OR56A4: variants seen among roughly 807,000 people sequenced by gnomAD.
OR56A4 encodes olfactory receptor family 56 subfamily A member 4.
Under a neutral mutation model 13.6 loss-of-function variants are expected in OR56A4, and 9 were observed. That is an observed-to-expected ratio of 0.66 (90% confidence interval 0.40 to 1.15). The LOEUF (loss-of-function observed/expected upper bound fraction) is 1.15. Among genes scored for constraint, OR56A4 ranks in the 50% most tolerant of loss-of-function variants. OR56A4 has a pLI of 0.01. For missense variants in OR56A4, 380 were observed against 375.9 expected, an observed-to-expected ratio of 1.01 and a Z score of -0.09; for synonymous variants, 167 against 153.9, an observed-to-expected ratio of 1.08 and a Z score of -0.63.
chr11:6,003,626 G>C (rs993670293), intron 2 of OR56A4, among the ~76,000 whole-genome samples: 1 of 152,104 alleles, frequency 6.6e-6, no homozygotes, highest in Admixed American at 6.5e-5. Flanking sequence ...GGAAACTAGA[G>C]TACCTAGAAA....
chr11:6,001,952 T>G lies in OR56A4; in HGVS notation c.*99A>C. On this transcript the variant is annotated 3_prime_UTR_variant, in exon 3 of 3. Coordinates refer to ENST00000641156, the MANE Select transcript of OR56A4 (RefSeq NM_001005179.4). ...AGAAGAATCCGAACTCAGGCAGGAT[T>G]TAAAGTGAAATTTCCTTTCCAACAT... The G allele has an allele frequency of 8.0e-7, 1 of 1,248,484 alleles. No homozygotes were observed. The highest frequency in any genetic ancestry group is 1.7e-5 in the South Asian group (1 of 57,448). 77.3% of individuals were successfully genotyped at this position (1,248,484 alleles called of 1,614,324 possible).
At chr11:6,005,725 G>A (rs1848253336) in intron 2 of OR56A4, among the ~76,000 whole-genome samples, 1 of 152,170 alleles carries the variant, frequency 6.6e-6, no homozygotes, top group Non-Finnish European at 1.5e-5. Context: ...TTCAGAGGTG[G>A]CACCTTCTCA....
At position 6,000,047 on chromosome 11, in the gene OR56A4, C is replaced by T. The variant is rs1346956488; in HGVS notation, c.*2004G>A. 2 of 152,130 alleles carry T rather than the reference C, an allele frequency of 1.3e-5. No homozygotes were observed. The highest frequency in any genetic ancestry group is 4.8e-5 in the African/African-American group (2 of 41,452). The allele number at this position is 152,130 out of a possible 1,614,324, so 9.4% of individuals were successfully genotyped here. A position where few individuals can be genotyped will look rare whatever the true frequency, so the allele number is the denominator to read the frequency against. ...AAACTAGTTCAACCATTGTGGAAGT[C>T]AGTGTGGAGATTCCTCAGGGATCTA... On this transcript the variant is annotated 3_prime_UTR_variant, in exon 3 of 3. Coordinates refer to ENST00000641156, the MANE Select transcript of OR56A4 (RefSeq NM_001005179.4).
chr11:6,003,056 A>G, intron 2 of OR56A4, 28 bp from the exon 3 acceptor site: 1 of 1,613,734 alleles, frequency 6.2e-7, no homozygotes, highest in Non-Finnish European at 8.5e-7. Flanking sequence ...AAGTACAGAA[A>G]CATAAAAAGT....
Position 6,002,980 on chromosome 11 carries a change from T to C in OR56A4, c.13A>G (p.Ser5Gly), listed in dbSNP as rs1167498287. 1 of 1,614,118 alleles carries C rather than the reference T, an allele frequency of 6.2e-7. No homozygotes were observed. ...GAGACTGGGGCAGTGGAGTCATTGC[T>C]GGGAGATGCCATGTAAAGTTTCCTG... is the stretch of plus-strand genomic sequence containing the variant. MASP[S>G]NDSTAPVSEF... The change falls in exon 3 of 3, where the codon AGC becomes GGC. Residue 5 changes from serine to glycine, a missense_variant. Transcript: ENST00000641156.
At chr11:6,006,092 G>T (rs1473446644) in intron 2 of OR56A4, among the ~76,000 whole-genome samples, 157 bp downstream of exon 2, 1 of 152,186 alleles carries the variant, frequency 6.6e-6, no homozygotes, top group Non-Finnish European at 1.5e-5. Context: ...AGAAAATTCA[G>T]TGTAAGAAAG....
chr11:6,005,317 A>G (rs540805159), intron 2 of OR56A4, among the ~76,000 whole-genome samples: 11 of 152,336 alleles, frequency 7.2e-5, no homozygotes, highest in African/African-American at 2.6e-4. Flanking sequence ...CTTTTAGGCA[A>G]AGGTAAGAAC....
intron 2 of OR56A4, among the ~76,000 whole-genome samples, chr11:6,004,115 A>T (rs1364312120): frequency 6.6e-6 from 1 of 152,146 alleles, no homozygotes; most frequent in Non-Finnish European, 1.5e-5. Flanking sequence ...TAGCTTTGGG[A>T]GGCCAAGGGA....
rs370692842 is a variant in OR56A4 at position 6,002,892 on chromosome 11, A to G, written c.101T>C (p.Leu34Pro). 1.5e-5 allele frequency: 25 copies of G among 1,614,088 alleles called. No homozygotes were observed. The highest frequency in any genetic ancestry group is 1.9e-5 in the Non-Finnish European group (23 of 1,179,984). ...QSWQHWLSLPLSLLFLLAMGA... is the reference protein window; with the variant it reads ...QSWQHWLSLPPSLLFLLAMGA... Reference sequence around the variant, plus strand: ...CATGGCCAGGAGGAAGAGAAGGCTGAGGGGCAGAGACAACCAGTGCTGCCA... The same window carrying G: ...CATGGCCAGGAGGAAGAGAAGGCTGGGGGGCAGAGACAACCAGTGCTGCCA... The change falls in exon 3 of 3, where the codon CTC becomes CCC. Residue 34 changes from leucine to proline, a missense_variant. By Grantham distance (98) the Leu-to-Pro change is moderately conservative (BLOSUM62 -3). Transcript: ENST00000641156.
In OR56A4 at chr11:6,002,986, A is replaced by T. The variant is rs1848229381; in HGVS notation, c.7T>A (p.Ser3Thr). 3 of 1,614,102 alleles carry T rather than the reference A, an allele frequency of 1.9e-6. No homozygotes were observed. Among genetic ancestry groups the T allele is most frequent in the Non-Finnish European group, 2.5e-6 (3 of 1,179,988 alleles). The change falls in exon 3 of 3, where the codon TCT becomes ACT. Residue 3 changes from serine to threonine, a missense_variant. Transcript: ENST00000641156. ...GGGGCAGTGGAGTCATTGCTGGGAGATGCCATGTAAAGTTTCCTGATCAAT... is the reference window on the plus strand; with the variant it reads ...GGGGCAGTGGAGTCATTGCTGGGAGTTGCCATGTAAAGTTTCCTGATCAAT... The part of the protein sequence containing the change: MA[S>T]PSNDSTAPVS...
Position 6,002,628 on chromosome 11 carries a change from G to A in OR56A4, c.365C>T (p.Ala122Val). 6.2e-7 allele frequency: 1 copy of A among 1,614,216 alleles called. No individual in the cohort carries two copies. The highest frequency in any genetic ancestry group is 8.5e-7 in the Non-Finnish European group (1 of 1,180,004). The change falls in exon 3 of 3, where the codon GCC becomes GTC. Residue 122 changes from alanine to valine, a missense_variant. Transcript: ENST00000641156. Reference sequence around the variant, plus strand: ...GCAGATGGCCACATAACGGTCATAGGCCATGACCATGAACGTGCAGGACTC... The same window carrying A: ...GCAGATGGCCACATAACGGTCATAGACCATGACCATGAACGTGCAGGACTC... ...TMESCTFMVMAYDRYVAICHP... is the reference protein window; with the variant it reads ...TMESCTFMVMVYDRYVAICHP...
Position 6,002,677 on chromosome 11 carries a change from T to G in OR56A4, c.316A>C (p.Ile106Leu). ...SFPACFLQMFIMNSFLTMESC... is the reference protein window; with the variant it reads ...SFPACFLQMFLMNSFLTMESC... ...TCCATGGTCAAAAAACTGTTCATGA[T>G]GAACATCTGGAGGAAGCAGGCTGGG... The change falls in exon 3 of 3, where the codon ATC (isoleucine) becomes CTC (leucine). Residue 106 changes from isoleucine to leucine, a missense_variant. By Grantham distance (5) the Ile-to-Leu change is conservative. Transcript: ENST00000641156. The G allele has an allele frequency of 6.2e-7, 1 of 1,614,192 alleles. No individual in the cohort carries two copies. The highest frequency in any genetic ancestry group is 8.5e-7 in the Non-Finnish European group (1 of 1,180,026).
Position 6,002,022 on chromosome 11 carries a change from T to A in OR56A4, c.*29A>T. The A allele has an allele frequency of 2.0e-6, 3 of 1,522,638 alleles. No individual in the cohort carries two copies. Among genetic ancestry groups the A allele is most frequent in the Non-Finnish European group, 2.6e-6 (3 of 1,136,646 alleles). The allele number at this position is 1,522,638 out of a possible 1,614,324, so 94.3% of individuals were successfully genotyped here. A position where few individuals can be genotyped will look rare whatever the true frequency, so the allele number is the denominator to read the frequency against. On this transcript the variant is annotated 3_prime_UTR_variant, in exon 3 of 3. Coordinates refer to ENST00000641156, the MANE Select transcript of OR56A4 (RefSeq NM_001005179.4). ...CCAATTTTCACTAACAATTAACAAC[T>A]CTAAAGGTGGATCTAATCCTTTTTA...
rs182709310 is a variant in OR56A4 at position 6,001,339 on chromosome 11, C to G, written c.*712G>C. 8.5e-5 allele frequency: 13 copies of G among 152,352 alleles called. No individual in the cohort carries two copies. Among genetic ancestry groups the G allele is most frequent in the African/African-American group, 3.1e-4 (13 of 41,564 alleles). The allele number at this position is 152,352 out of a possible 1,614,324, so 9.4% of individuals were successfully genotyped here. ...ATACAGCACTTCAAACAGTACAACT[C>G]CTCCCCAACCTAAAAATCCTAAAAC... On this transcript the variant is annotated 3_prime_UTR_variant, in exon 3 of 3. Transcript: ENST00000641156.
chr11:6,006,926 G>T lies in OR56A4; in HGVS notation c.-200C>A, dbSNP rs1848263646. 6.6e-6 allele frequency: 1 copy of T among 152,380 alleles called. No homozygotes were observed. The highest frequency in any genetic ancestry group is 2.1e-4 in the South Asian group (1 of 4,822). The allele number at this position is 152,380 out of a possible 1,614,324, so 9.4% of individuals were successfully genotyped here. On this transcript the variant is annotated 5_prime_UTR_variant, in exon 1 of 3. The change creates a new upstream start codon in the 5' untranslated region. Transcript: ENST00000641156. The stretch of plus-strand genomic sequence containing the variant: ...CCCACCTTGAGACTCACCAAATTCA[G>T]AAGGCTGTACTGCTGCTATTTCTTG...
intron 2 of OR56A4, 26 bp from the exon 3 acceptor site, chr11:6,003,054 A>C: frequency 1.2e-6 from 2 of 1,613,736 alleles, no homozygotes; most frequent in Non-Finnish European, 1.7e-6. Flanking sequence ...AGAAGTACAG[A>C]AACATAAAAA....
At chr11:6,003,816 G>A (rs1167757973) in intron 2 of OR56A4, among the ~76,000 whole-genome samples, 2 of 152,158 alleles carry the variant, frequency 1.3e-5, no homozygotes, top group Non-Finnish European at 2.9e-5. Context: ...AGAAGTCAGA[G>A]AGTGAGTTTT....
Position 6,002,422 on chromosome 11 carries a change from A to G in OR56A4, c.571T>C (p.Ser191Pro). The G allele has an allele frequency of 6.2e-7, 1 of 1,614,262 alleles. No homozygotes were observed. Among genetic ancestry groups the G allele is most frequent in the Non-Finnish European group, 8.5e-7 (1 of 1,180,040 alleles). ...TGATTGAAAGTGATGTCATCACAAG[A>G]GAGTTTGGACACAGACAGGTTACTG... ...ICSNLSVSKL[S>P]CDDITFNQLY... is the part of the protein sequence containing the mutation. The change falls in exon 3 of 3, where the codon TCT becomes CCT. Residue 191 changes from serine (S) to proline (P), a missense_variant. Transcript: ENST00000641156.
chr11:6,002,216 C>T lies in OR56A4; in HGVS notation c.777G>A (p.Leu259=), dbSNP rs537464742. 6.2e-7 allele frequency: 1 copy of T among 1,613,992 alleles called. No homozygotes were observed. The highest frequency in any genetic ancestry group is 8.5e-7 in the Non-Finnish European group (1 of 1,179,990). The change falls in exon 3 of 3, where the codon CTG becomes CTA. Residue 259 remains leucine (L), a synonymous_variant. Transcript: ENST00000641156. ...ILILFFSTVL[L]VLVITNLARK... is the part of the protein sequence containing the mutation. ...TGGCCAGGTTAGTGATGACCAGAAC[C>T]AGCAGGACTGTGCTGAAGAAGAGGA...
Sources: allele counts gnomAD v4.1 joint callset (sites outside exome capture counted in the v4.1 genomes callset), GRCh38; gene constraint gnomAD v4.1.1; transcripts MANE v1.5; gene names NCBI Gene and HGNC (gene_info 2026-07-23, HGNC 2026-07-21).